The following SLCO3A1 variants were observed in gnomAD, a reference collection of about 807,000 sequenced individuals.
SLCO3A1 encodes the protein PGE1 transporter.
In SLCO3A1, 27 loss-of-function variants were observed where a neutral mutation model predicts 63.1. The observed-to-expected ratio is 0.43, with a 90% CI of 0.32 to 0.59. The LOEUF (loss-of-function observed/expected upper bound fraction) is 0.59. SLCO3A1 is among the 20% of genes least tolerant of loss of function. The pLI is 0.09. For synonymous variants in SLCO3A1, 473 were observed against 409.9 expected (o/e 1.15, Z -1.86); for missense variants, 773 against 945.8 (o/e 0.82, Z 2.40).
intron 1 of SLCO3A1, among the ~76,000 whole-genome samples, chr15:91,868,145 G>A (rs935757457): frequency 1.4e-4 from 22 of 151,838 alleles, no homozygotes; most frequent in African/African-American, 4.8e-4. Context: ...TCTGCCTCCT[G>A]GGTTCAAGTA....
chr15:91,957,315 A>G (rs1299463410), intron 2 of SLCO3A1, among the ~76,000 whole-genome samples: 2 of 147,752 alleles, frequency 1.4e-5, no homozygotes, highest in East Asian at 4.0e-4. Context: ...TCTCTTCTGT[A>G]GATTTCAGCC....
At chr15:92,071,162 TG>T (rs1279444470) in intron 2 of SLCO3A1, among the ~76,000 whole-genome samples, 1 of 152,128 alleles carries the variant, frequency 6.6e-6, no homozygotes, top group African/African-American at 2.4e-5. Flanking sequence ...GCAGGAACTT[TG>T]GCCAGGACGT....
rs142973442 is a variant in SLCO3A1, at chr15:91,994,489, C to G, written c.646+78031C>G. 2.6e-5 allele frequency among the ~76,000 whole-genome samples: 4 copies of G among 152,150 alleles called. No homozygotes were observed. In the South Asian group the frequency reaches 6.2e-4, roughly 24 times the overall value. On this transcript the variant is annotated intron_variant, in intron 2 of 9. Coordinates refer to ENST00000318445, the MANE Select transcript of SLCO3A1 (RefSeq NM_013272.4). ...TGCTTTTTTTAAATGAACTAAGCAG[C>G]CTGGCCAGAGTCCATGCCCTCAGCA...
At position 91,900,634 on chromosome 15, in the gene SLCO3A1, G is replaced by A. The variant is rs1898130691; in HGVS notation, c.181-15359G>A. 6.6e-6 allele frequency among the ~76,000 whole-genome samples: 1 copy of A among 152,126 alleles called. No individual in the cohort carries two copies. Among genetic ancestry groups the A allele is most frequent in the Non-Finnish European group, 1.5e-5 (1 of 68,004 alleles). On this transcript the variant is annotated intron_variant, in intron 1 of 9. Transcript: ENST00000318445. This position sits in a 1 kb window ranked among gnomAD's most constrained non-coding sequence, Gnocchi z 4.3. ...GTGAGCCACCGTGCCTGGCCTGTTT[G>A]TATTTTTCATTATACACATTCTACT...
At chr15:91,880,433 T>C (rs4360905) in intron 1 of SLCO3A1, among the ~76,000 whole-genome samples, 46,367 of 109,598 alleles carry the variant, frequency 0.42, 8,281 homozygotes, top group East Asian at 0.74. Flanking sequence ...GTGTAGTTCT[T>C]TGCAGTTTCA....
chr15:92,123,601 C>A (rs934235222), intron 5 of SLCO3A1, among the ~76,000 whole-genome samples: 4 of 152,062 alleles, frequency 2.6e-5, no homozygotes, highest in African/African-American at 7.2e-5. Flanking sequence ...ATGCAGTCAG[C>A]CCTTTAATAT....
At chr15:92,047,494 A>AATATATATAATATATAAATATATATAAAT (rs2046892594) in intron 2 of SLCO3A1, among the ~76,000 whole-genome samples, 1 of 11,192 alleles carries the variant, frequency 8.9e-5, no homozygotes, top group African/African-American at 2.8e-4. Flanking sequence ...TATATATATA[A>AATATATATAATATATAAATATATATAAAT]ATATATATAA....
Position 92,043,802 on chromosome 15 carries a change from C to T in SLCO3A1, c.647-51079C>T, listed in dbSNP as rs572967818. Among the ~76,000 whole-genome samples the T allele has an allele frequency of 1.7e-4, 26 of 152,314 alleles. No individual in the cohort carries two copies. The South Asian group carries it at 5.2e-3, about 30-fold the overall frequency. On this transcript the variant is annotated intron_variant, in intron 2 of 9. Transcript: ENST00000318445. The stretch of plus-strand genomic sequence containing the variant: ...TAATTCATTCAGTTCTTACTCAGAA[C>T]CCCAAGAGGTCGAAATTATAACCCT...
chr15:92,005,931 C>A (rs1196027047), intron 2 of SLCO3A1, among the ~76,000 whole-genome samples: 3 of 152,086 alleles, frequency 2.0e-5, no homozygotes, highest in Non-Finnish European at 4.4e-5. Flanking sequence ...GAGACTCAGC[C>A]CTTCTAACTC....
Position 91,954,423 on chromosome 15 carries a change from C to T in SLCO3A1, c.646+37965C>T, listed in dbSNP as rs1404211392. 6.6e-6 allele frequency among the ~76,000 whole-genome samples: 1 copy of T among 152,164 alleles called. No homozygotes were observed. Among genetic ancestry groups the T allele is most frequent in the Non-Finnish European group, 1.5e-5 (1 of 68,042 alleles). Reference sequence around the variant, plus strand: ...TGCACAGAGTGAGGCAGTCAGAAGTCCTGCCCTCTGCAGTTTCCAGGGGCC... The same window carrying T: ...TGCACAGAGTGAGGCAGTCAGAAGTTCTGCCCTCTGCAGTTTCCAGGGGCC... On this transcript the variant is annotated intron_variant, in intron 2 of 9. Transcript: ENST00000318445. This position sits in a 1 kb window ranked among gnomAD's most constrained non-coding sequence, Gnocchi z 4.7.
In SLCO3A1 at chr15:92,165,189, T is replaced by C. The variant is rs2048483680; in HGVS notation, c.*2054T>C. The stretch of plus-strand genomic sequence containing the variant: ...GTGTCGTGGTATGGGGCCACCGTGA[T>C]CAGCTACCTGGGGCAGGATGCTTCT... On this transcript the variant is annotated 3_prime_UTR_variant, in exon 10 of 10. Transcript: ENST00000318445. 1.0e-6 allele frequency: 1 copy of C among 985,432 alleles called. No individual in the cohort carries two copies. The highest frequency in any genetic ancestry group is 1.2e-6 in the Non-Finnish European group (1 of 829,940). 61.0% of individuals were successfully genotyped at this position (985,432 alleles called of 1,614,324 possible).
At chr15:92,167,247 G>C (rs1007329569), downstream of SLCO3A1, among the ~76,000 whole-genome samples, 1 of 152,220 alleles carries the variant, frequency 6.6e-6, no homozygotes, top group Non-Finnish European at 1.5e-5. Flanking sequence ...GAAAGTACCA[G>C]ACACATGGCA....
At chr15:92,149,320 T>C (rs1208051442) in intron 8 of SLCO3A1, 1 of 152,256 alleles carries the variant, frequency 6.6e-6, no homozygotes. Flanking sequence ...TGCTATGCAT[T>C]GTGCATATTG....
intron 1 of SLCO3A1, among the ~76,000 whole-genome samples, chr15:91,893,123 A>G (rs74731078): frequency 0.012 from 1,790 of 152,356 alleles, 36 homozygotes; most frequent in African/African-American, 0.041. Context: ...GCTCTTCTGC[A>G]AGGTAGGCAC....
chr15:92,045,196 CTT>C (rs2046845717), intron 2 of SLCO3A1, among the ~76,000 whole-genome samples: 2 of 150,354 alleles, frequency 1.3e-5, no homozygotes, highest in South Asian at 4.2e-4. Flanking sequence ...AGGAAAATCT[CTT>C]GAACCTGGGA....
At chr15:91,902,484 C>T (rs1037484329) in intron 1 of SLCO3A1, among the ~76,000 whole-genome samples, 5 of 151,952 alleles carry the variant, frequency 3.3e-5, no homozygotes, top group African/African-American at 2.4e-5. Context: ...TGGTTGCAGC[C>T]TCAGGGTAGC....
chr15:92,091,328 C>A (rs550762333), intron 2 of SLCO3A1, among the ~76,000 whole-genome samples: 45 of 152,188 alleles, frequency 3.0e-4, no homozygotes, highest in Non-Finnish European at 6.0e-4. Flanking sequence ...GGGGCAGCAC[C>A]GGGCCGCTGC....
At chr15:91,952,539 T>C (rs899554949) in intron 2 of SLCO3A1, among the ~76,000 whole-genome samples, 7 of 152,150 alleles carry the variant, frequency 4.6e-5, no homozygotes, top group African/African-American at 1.7e-4. Flanking sequence ...TAGACAGAAA[T>C]GGATAATGAA....
intron 3 of SLCO3A1, among the ~76,000 whole-genome samples, chr15:92,096,262 G>A (rs1209827702): frequency 1.3e-5 from 2 of 152,166 alleles, no homozygotes; most frequent in African/African-American, 4.8e-5. Context: ...AAGAGAAGGT[G>A]AGAGAGAGCA....
Sources: allele counts gnomAD v4.1 joint callset (sites outside exome capture counted in the v4.1 genomes callset), GRCh38; gene constraint gnomAD v4.1.1; non-coding constraint Gnocchi (gnomAD v3.1); transcripts MANE v1.5; gene names NCBI Gene and HGNC (gene_info 2026-07-23, HGNC 2026-07-21).